POLDIP3: variants seen among roughly 807,000 people sequenced by gnomAD.
POLDIP3 encodes the protein polymerase delta-interacting protein 3.
Under a neutral mutation model 45.1 loss-of-function variants are expected in POLDIP3, and 14 were observed. The observed-to-expected ratio is 0.31, with a 90% CI of 0.20 to 0.49. POLDIP3 has a LOEUF of 0.49. POLDIP3 is among the 20% of genes least tolerant of loss of function. The probability of loss-of-function intolerance (pLI) is 0.99; values close to 1 mark genes in which losing one functional copy is unlikely to be tolerated. For missense variants in POLDIP3, 511 were observed against 538.8 expected, an observed-to-expected ratio of 0.95 and a Z score of 0.51; for synonymous variants, 223 against 205.2, an observed-to-expected ratio of 1.09 and a Z score of -0.74.
rs144447054 is a variant in POLDIP3 at position 42,600,718 on chromosome 22, C to G, written c.538-925G>C. Reference sequence around the variant, plus strand: ...GGCACAGTGGCTCACGCCTGTAATCCCAGCACTTTGGGAGGCCAAGGTGGG... The same window carrying G: ...GGCACAGTGGCTCACGCCTGTAATCGCAGCACTTTGGGAGGCCAAGGTGGG... On this transcript the variant is annotated intron_variant, in intron 3 of 8. Transcript: ENST00000252115. Among the ~76,000 whole-genome samples, 650 of 152,184 alleles carry G rather than the reference C, an allele frequency of 4.3e-3. 4 individuals are homozygous for G. The highest frequency in any genetic ancestry group is 0.015 in the African/African-American group (633 of 41,524).
At chr22:42,591,486 G>A (rs1925666757) in intron 7 of POLDIP3, among the ~76,000 whole-genome samples, 1 of 152,206 alleles carries the variant, frequency 6.6e-6, no homozygotes, top group African/African-American at 2.4e-5. Context: ...AAGGAGCATG[G>A]CAGACAGAAT....
intron 2 of POLDIP3, 70 bp downstream of exon 2, chr22:42,602,699 CT>C (rs1254046885): frequency 6.6e-7 from 1 of 1,511,474 alleles, no homozygotes; most frequent in Non-Finnish European, 8.9e-7. Context: ...CCAGTCACTC[CT>C]GGCACCTTGC....
At chr22:42,609,058 AG>A (rs1283426160) in intron 1 of POLDIP3, among the ~76,000 whole-genome samples, 1 of 152,218 alleles carries the variant, frequency 6.6e-6, no homozygotes, top group African/African-American at 2.4e-5. Flanking sequence ...CACTCCTGCC[AG>A]GGGTAGGTCT....
chr22:42,613,703 G>A (rs781418533), intron 1 of POLDIP3, among the ~76,000 whole-genome samples: 3 of 152,176 alleles, frequency 2.0e-5, no homozygotes, highest in Non-Finnish European at 2.9e-5. Flanking sequence ...GGAGGTTGCA[G>A]TGAGCCGAGA....
At chr22:42,587,841 GA>G (rs1377725320) in intron 7 of POLDIP3, among the ~76,000 whole-genome samples, 10 of 152,204 alleles carry the variant, frequency 6.6e-5, no homozygotes, top group Non-Finnish European at 1.5e-4. Flanking sequence ...AAGTGAGGGA[GA>G]AACGAGACTC....
chr22:42,587,430 G>T, intron 8 of POLDIP3, 76 bp downstream of exon 8: 1 of 1,402,130 alleles, frequency 7.1e-7, no homozygotes, highest in Non-Finnish European at 1.0e-6. Context: ...GAGCTGTGAT[G>T]CAGGCAGTTT....
chr22:42,604,903 G>A (rs189994505), intron 1 of POLDIP3, among the ~76,000 whole-genome samples: 117 of 152,272 alleles, frequency 7.7e-4, no homozygotes, highest in Middle Eastern at 3.4e-3. Flanking sequence ...GTGGCCTTTG[G>A]GAAGTGATTA....
At chr22:42,614,589 C>T (rs1042744786) in intron 1 of POLDIP3, among the ~76,000 whole-genome samples, 6 of 152,044 alleles carry the variant, frequency 3.9e-5, no homozygotes, top group African/African-American at 1.2e-4. Flanking sequence ...CCGTCGGCCT[C>T]CCAGGGCCGC....
At position 42,596,364 on chromosome 22, in the gene POLDIP3, G is replaced by A. The variant is rs1190769308; in HGVS notation, c.635C>T (p.Ala212Val). 6.2e-7 allele frequency: 1 copy of A among 1,612,826 alleles called. No homozygotes were observed. The highest frequency in any genetic ancestry group is 1.7e-5 in the Admixed American group (1 of 59,624). The change falls in exon 5 of 9, where the codon GCT becomes GTT. Residue 212 changes from alanine (A) to valine (V), a missense_variant and splice_region_variant. By Grantham distance (64) the Ala-to-Val change is moderately conservative (BLOSUM62 0). Around this residue, in one of 4 missense-constraint regions of POLDIP3, gnomAD observed 378 missense variants for 352.3 expected, o/e 1.07. Coordinates refer to ENST00000252115, the MANE Select transcript of POLDIP3 (RefSeq NM_032311.5). ...AASGGFLHHMAGLSSSKLSMS... is the reference protein window; with the variant it reads ...AASGGFLHHMVGLSSSKLSMS... ...GGAAAGCTTGGAACTGCTTAGCCCA[G>A]CCTAAACGAAGAGACAGAAAAGAAT...
intron 7 of POLDIP3, among the ~76,000 whole-genome samples, chr22:42,590,146 A>G (rs1404985519): frequency 2.0e-5 from 3 of 152,248 alleles, no homozygotes; most frequent in Admixed American, 6.5e-5. Context: ...ATGATATACC[A>G]AAACACGGAA....
intron 1 of POLDIP3, among the ~76,000 whole-genome samples, chr22:42,608,727 CA>C (rs2146834907): frequency 6.6e-6 from 1 of 152,226 alleles, no homozygotes; most frequent in African/African-American, 2.4e-5. Flanking sequence ...GAAGGACCAC[CA>C]AGATGCTTTG....
intron 4 of POLDIP3, among the ~76,000 whole-genome samples, chr22:42,596,695 A>G (rs1034546051): frequency 5.9e-5 from 9 of 152,182 alleles, no homozygotes; most frequent in Admixed American, 2.0e-4. Context: ...TAGACTTTCT[A>G]AAAATTCTAC....
Position 42,608,262 on chromosome 22 carries a change from C to G in POLDIP3, c.60-5102G>C, listed in dbSNP as rs538394885. Among the ~76,000 whole-genome samples, 18 of 131,278 alleles carry G rather than the reference C, an allele frequency of 1.4e-4. No homozygotes were observed. The East Asian group carries it at 2.8e-3, about 21-fold the overall frequency. The allele number at this position is 131,278 out of a possible 152,430, so 86.1% of individuals were successfully genotyped here. On this transcript the variant is annotated intron_variant, in intron 1 of 8. Coordinates refer to ENST00000252115, the MANE Select transcript of POLDIP3 (RefSeq NM_032311.5). ...GTTAATCTATAACCTTACCCCCCCCCCCAAAAAAAAATTAGCTGCAAGTGA... is the reference window on the plus strand; with the variant it reads ...GTTAATCTATAACCTTACCCCCCCCGCCAAAAAAAAATTAGCTGCAAGTGA...
chr22:42,596,143 G>A (rs1172077644), intron 5 of POLDIP3, 43 bp downstream of exon 5: 1 of 1,594,634 alleles, frequency 6.3e-7, no homozygotes, highest in South Asian at 1.1e-5. Context: ...TAAGCATACA[G>A]CCCTCCTGAC....
chr22:42,608,029 T>C (rs1926871514), intron 1 of POLDIP3, among the ~76,000 whole-genome samples: 1 of 152,174 alleles, frequency 6.6e-6, no homozygotes, highest in Non-Finnish European at 1.5e-5. Context: ...GAGGAGCCCC[T>C]CTGCCCGGCC....
chr22:42,602,808 T>A lies in POLDIP3; in HGVS notation c.412A>T (p.Thr138Ser), dbSNP rs149658111. ...PAAFINPPIG[T>S]VTPALKLTKT... ...GTGAGCTTCAGAGCAGGGGTCACTG[T>A]CCCAATGGGTGGGTTTATGAAGGCA... is the stretch of plus-strand genomic sequence containing the variant. The change falls in exon 2 of 9, where the codon ACA becomes TCA. Residue 138 changes from threonine to serine, a missense_variant. Around this residue, in one of 4 missense-constraint regions of POLDIP3, gnomAD observed 378 missense variants for 352.3 expected, o/e 1.07. Transcript: ENST00000252115. The A allele has an allele frequency of 1.2e-6, 2 of 1,611,678 alleles. No homozygotes were observed. The highest frequency in any genetic ancestry group is 2.7e-5 in the African/African-American group (2 of 74,904).
chr22:42,595,664 T>C, intron 5 of POLDIP3, 50 bp from the exon 6 acceptor site: 3 of 1,542,792 alleles, frequency 1.9e-6, no homozygotes, highest in Non-Finnish European at 2.7e-6. Context: ...TGATAAGCAT[T>C]CCCACAACAG....
chr22:42,601,921 C>T (rs747082980), intron 3 of POLDIP3, 49 bp downstream of exon 3: 23 of 1,586,920 alleles, frequency 1.4e-5, no homozygotes, highest in South Asian at 9.0e-5. Context: ...CCTACATGTT[C>T]GCTATGTACA....
intron 7 of POLDIP3, among the ~76,000 whole-genome samples, chr22:42,589,037 T>G (rs560990065): frequency 3.3e-5 from 5 of 152,266 alleles, no homozygotes; most frequent in African/African-American, 1.2e-4. Flanking sequence ...AGCCAGGAGT[T>G]TGACAGCAGC....
Sources: gnomAD v4.1 joint callset for allele counts (sites outside exome capture counted in the v4.1 genomes callset) on GRCh38, gnomAD v4.1.1 for gene constraint, gnomAD v4.1.1 regional missense constraint, MANE v1.5 for transcripts, NCBI Gene and HGNC (gene_info 2026-07-23, HGNC 2026-07-21) for gene names.